Variants in BBX observed in about 807,000 individuals in gnomAD.
The protein encoded by BBX is BBX high mobility group box domain containing.
A neutral mutation model predicts 100.2 loss-of-function variants in BBX; 30 were observed. The observed-to-expected ratio is 0.30, with a 90% CI of 0.22 to 0.41. The LOEUF (loss-of-function observed/expected upper bound fraction) is 0.41. Among genes scored for constraint, BBX ranks in the 10% least tolerant of loss-of-function variants. The probability of loss-of-function intolerance (pLI) is 1.00; values close to 1 mark genes in which losing one functional copy is unlikely to be tolerated. For missense variants in BBX, 1,023 were observed against 1,129.8 expected, an observed-to-expected ratio of 0.91 and a Z score of 1.35; for synonymous variants, 376 against 388.1, an observed-to-expected ratio of 0.97 and a Z score of 0.37.
In BBX at chr3:107,616,062, A is replaced by G. The variant is rs548545759; in HGVS notation, c.-83-29774A>G. ...TTTTTTGCTGTTGTTGTTGTTGTTTAAAATTTTTTTTAACTAAACTTTTTA... is the reference window on the plus strand; with the variant it reads ...TTTTTTGCTGTTGTTGTTGTTGTTTGAAATTTTTTTTAACTAAACTTTTTA... On this transcript the variant is annotated intron_variant, in intron 2 of 17. Coordinates refer to ENST00000325805, the MANE Select transcript of BBX (RefSeq NM_001142568.3). Among the ~76,000 whole-genome samples, 4 of 37,276 alleles carry G rather than the reference A, an allele frequency of 1.1e-4. No homozygotes were observed. The East Asian group carries it at 2.7e-3, about 25-fold the overall frequency. The allele number at this position is 37,276 out of a possible 152,430, so 24.5% of individuals were successfully genotyped here.
chr3:107,576,657 A>G (rs1559830891), intron 2 of BBX, among the ~76,000 whole-genome samples: 1 of 152,168 alleles, frequency 6.6e-6, no homozygotes. Context: ...ATGCAAATTT[A>G]CTTTTTGACA....
chr3:107,783,133 A>C (rs2068068222), intron 13 of BBX, among the ~76,000 whole-genome samples: 2 of 152,106 alleles, frequency 1.3e-5, no homozygotes, highest in African/African-American at 4.8e-5. Context: ...AATACCCAAC[A>C]TATACACTAT....
chr3:107,717,932 C>CA (rs1326353832), intron 5 of BBX, among the ~76,000 whole-genome samples: 1 of 151,752 alleles, frequency 6.6e-6, no homozygotes, highest in Non-Finnish European at 1.5e-5. Context: ...TAAGTTTTAT[C>CA]AAAAAATGAA....
intron 16 of BBX, 116 bp downstream of exon 16, chr3:107,798,836 A>AT (rs1385419404): frequency 2.3e-5 from 5 of 215,670 alleles, no homozygotes; most frequent in Admixed American, 2.1e-4. Context: ...CCAATGAGCT[A>AT]AAAAAAAAAA....
chr3:107,632,816 G>C (rs1458762533), intron 2 of BBX, among the ~76,000 whole-genome samples: 1 of 152,186 alleles, frequency 6.6e-6, no homozygotes, highest in African/African-American at 2.4e-5. Flanking sequence ...ATAAGATAAT[G>C]AAATAAAAAT....
In BBX at chr3:107,797,337, AATATATATAT is replaced by A. The variant is rs369837058; in HGVS notation, c.2354-1168_2354-1159del. 2.5e-3 allele frequency among the ~76,000 whole-genome samples: 98 copies of A among 39,340 alleles called. 9 individuals are homozygous for A. Among genetic ancestry groups the A allele is most frequent in the South Asian group, 0.022 (30 of 1,368 alleles). The allele number at this position is 39,340 out of a possible 152,430, so 25.8% of individuals were successfully genotyped here. On this transcript the variant is annotated intron_variant, in intron 15 of 17. Transcript: ENST00000325805. ...TCCTCTTAGTTTAGCTTTTCTTCCA[AATATATATAT>A]ATATATATATATATATAGCTTTATT...
chr3:107,655,437 GA>G (rs2058073004), intron 3 of BBX, among the ~76,000 whole-genome samples: 1 of 150,034 alleles, frequency 6.7e-6, no homozygotes, highest in Non-Finnish European at 1.5e-5. Flanking sequence ...ATAATTATTT[GA>G]ACAAAACAAG....
At chr3:107,701,278 G>A (rs2061028764) in intron 3 of BBX, among the ~76,000 whole-genome samples, 1 of 152,162 alleles carries the variant, frequency 6.6e-6, no homozygotes, top group Non-Finnish European at 1.5e-5. Context: ...GAAAGCTCAG[G>A]CTCTAGGGAA....
At chr3:107,636,490 G>A (rs1559901428) in intron 2 of BBX, among the ~76,000 whole-genome samples, 1 of 152,136 alleles carries the variant, frequency 6.6e-6, no homozygotes, top group Non-Finnish European at 1.5e-5. Flanking sequence ...TTGACAATCT[G>A]ATTTTGATAA....
chr3:107,706,412 G>C (rs918448516), intron 3 of BBX, among the ~76,000 whole-genome samples: 4 of 152,014 alleles, frequency 2.6e-5, no homozygotes, highest in African/African-American at 9.7e-5. Flanking sequence ...TGTCAATTTA[G>C]GGTCACCTGT....
At chr3:107,573,243 T>A (rs1410578491) in intron 2 of BBX, among the ~76,000 whole-genome samples, 2 of 152,172 alleles carry the variant, frequency 1.3e-5, no homozygotes, top group African/African-American at 4.8e-5. Context: ...AAACTCAAAA[T>A]TTTTTAGGTA....
intron 3 of BBX, among the ~76,000 whole-genome samples, chr3:107,696,711 G>A (rs755237983): frequency 2.6e-5 from 4 of 151,444 alleles, no homozygotes; most frequent in South Asian, 2.1e-4. Flanking sequence ...TCTTTGTGGC[G>A]TTCTCTGTAT....
Position 107,681,028 on chromosome 3 carries a change from G to A in BBX, c.-9-29424G>A, listed in dbSNP as rs138025795. 2.4e-3 allele frequency among the ~76,000 whole-genome samples: 361 copies of A among 152,214 alleles called. 1 individual carries two copies. The highest frequency in any genetic ancestry group is 5.4e-3 in the African/African-American group (225 of 41,548). On this transcript the variant is annotated intron_variant, in intron 3 of 17. Coordinates refer to ENST00000325805, the MANE Select transcript of BBX (RefSeq NM_001142568.3). ...GGGTATAGCGATTGACTCCCTTCCT[G>A]TAATGCTTTTCAAAATGACACCTGA...
intron 2 of BBX, among the ~76,000 whole-genome samples, chr3:107,564,167 T>C (rs1331361411): frequency 6.6e-6 from 1 of 152,202 alleles, no homozygotes; most frequent in Non-Finnish European, 1.5e-5. Flanking sequence ...GCCAGTGTTT[T>C]TCCCCCTGAA....
At chr3:107,573,048 C>T (rs995597531) in intron 2 of BBX, among the ~76,000 whole-genome samples, 2 of 152,082 alleles carry the variant, frequency 1.3e-5, no homozygotes, top group South Asian at 2.1e-4. Flanking sequence ...GGAATGAGAT[C>T]GTATTTACAA....
chr3:107,798,755 A>G (rs1352257118), intron 16 of BBX, 35 bp downstream of exon 16: 3 of 1,592,114 alleles, frequency 1.9e-6, no homozygotes, highest in South Asian at 2.2e-5. Flanking sequence ...GAGGTGTCCA[A>G]TCTTTTAGCT....
intron 2 of BBX, among the ~76,000 whole-genome samples, chr3:107,632,077 TTTGTTG>T (rs34759490): frequency 6.6e-6 from 1 of 151,222 alleles, no homozygotes; most frequent in Non-Finnish European, 1.5e-5. Context: ...AAATGCTTTT[TTTGTTG>T]TTGTTGTTGT....
At chr3:107,727,085 T>G (rs912943846) in intron 5 of BBX, among the ~76,000 whole-genome samples, 2 of 151,356 alleles carry the variant, frequency 1.3e-5, no homozygotes, top group African/African-American at 4.8e-5. Context: ...CTTAAAAATT[T>G]TAAACTACCC....
chr3:107,668,104 T>C (rs547774858), intron 3 of BBX, among the ~76,000 whole-genome samples: 1 of 152,334 alleles, frequency 6.6e-6, no homozygotes, highest in Non-Finnish European at 1.5e-5. Flanking sequence ...TGCACTTTAA[T>C]ATTGATATTT....
Sources: allele counts gnomAD v4.1 joint callset (sites outside exome capture counted in the v4.1 genomes callset), GRCh38; gene constraint gnomAD v4.1.1; transcripts MANE v1.5; gene names NCBI Gene and HGNC (gene_info 2026-07-23, HGNC 2026-07-21).